The following LAMA2 variants were observed in gnomAD, a reference collection of about 807,000 sequenced individuals.
The protein encoded by LAMA2 is laminin subunit alpha 2, also known as laminin subunit alpha-2.
Under a neutral mutation model 364.8 loss-of-function variants are expected in LAMA2, and 269 were observed. The observed-to-expected ratio is 0.74, with a 90% CI of 0.67 to 0.82. The LOEUF (loss-of-function observed/expected upper bound fraction) is 0.82, where lower values mean the gene tolerates loss of function less well. Among genes scored for constraint, LAMA2 ranks in the 40% least tolerant of loss-of-function variants. The pLI is 0.00. For missense variants in LAMA2, 3,807 were observed against 3,873.2 expected, an observed-to-expected ratio of 0.98 and a Z score of 0.45; for synonymous variants, 1,379 against 1,370.6, an observed-to-expected ratio of 1.01 and a Z score of -0.14.
chr6:129,479,200 G>A (rs2784896), intron 54 of LAMA2, among the ~76,000 whole-genome samples: 1 of 151,898 alleles, frequency 6.6e-6, no homozygotes, highest in Admixed American at 6.6e-5. Flanking sequence ...TGGAACCATT[G>A]AAGTTTACAC....
Position 129,453,939 on chromosome 6 carries a change from T to A in LAMA2, c.6574-216T>A, listed in dbSNP as rs12530139. On this transcript the variant is annotated intron_variant, in intron 46 of 64. Transcript: ENST00000421865. The stretch of plus-strand genomic sequence containing the variant: ...AAAATTAACAAACATGCCTGAGCAT[T>A]ATGGACTTTTTTTTTTTTTGCTTTA... Among the ~76,000 whole-genome samples the A allele has an allele frequency of 0.16, 21,279 of 133,314 alleles. 1,608 individuals carry two copies. Among genetic ancestry groups the A allele is most frequent in the East Asian group, 0.23 (1,086 of 4,716 alleles). 87.5% of individuals were successfully genotyped at this position (133,314 alleles called of 152,430 possible).
chr6:129,475,791 G>T (rs1183734841), intron 53 of LAMA2, among the ~76,000 whole-genome samples: 1 of 152,032 alleles, frequency 6.6e-6, no homozygotes, highest in Non-Finnish European at 1.5e-5. Flanking sequence ...CCGGGCCCTG[G>T]CCTCCCTAGT....
At chr6:129,441,091 T>A (rs1440395808) in intron 43 of LAMA2, 93 bp downstream of exon 43, 1 of 1,105,346 alleles carries the variant, frequency 9.0e-7, no homozygotes, top group African/African-American at 1.6e-5. Flanking sequence ...GGAAAGACCC[T>A]CATGGTGGTG....
At chr6:129,453,700 ACAAATCATT>A (rs1227624665) in intron 46 of LAMA2, among the ~76,000 whole-genome samples, 2 of 152,180 alleles carry the variant, frequency 1.3e-5, no homozygotes, top group African/African-American at 4.8e-5. Flanking sequence ...TGACTTCTTA[ACAAATCATT>A]CATGGCATAA....
rs1784760691 is a variant in LAMA2, at chr6:129,489,594, A to G, written c.7899-2307A>G. ...TTTTTCTTCTGGGAAAGCTTTCTTC[A>G]CACAGGTACAGAAATAGGCTAAAGG... On this transcript the variant is annotated intron_variant, in intron 56 of 64. Transcript: ENST00000421865. Among the ~76,000 whole-genome samples the G allele has an allele frequency of 3.9e-5, 6 of 152,310 alleles. No individual in the cohort carries two copies. In the South Asian group the frequency reaches 1.2e-3, roughly 32 times the overall value.
At chr6:128,907,899 G>T (rs562568077) in intron 1 of LAMA2, among the ~76,000 whole-genome samples, 59 of 152,226 alleles carry the variant, frequency 3.9e-4, no homozygotes, top group African/African-American at 1.4e-3. Context: ...TAATCATGTG[G>T]TTTTTGTCTT....
chr6:129,264,746 A>T (rs1224004405), intron 15 of LAMA2, among the ~76,000 whole-genome samples: 8 of 152,160 alleles, frequency 5.3e-5, no homozygotes, highest in Admixed American at 4.6e-4. Flanking sequence ...GGAGTCAGCT[A>T]GGCCCAAGGC....
intron 12 of LAMA2, among the ~76,000 whole-genome samples, chr6:129,224,334 C>T (rs1223512856): frequency 1.3e-5 from 2 of 152,052 alleles, no homozygotes; most frequent in East Asian, 1.9e-4. Context: ...AAATACCCTT[C>T]ATTACTTTCT....
chr6:129,305,637 C>G (rs1002423513), intron 22 of LAMA2, among the ~76,000 whole-genome samples: 5 of 151,598 alleles, frequency 3.3e-5, no homozygotes, highest in Non-Finnish European at 7.4e-5. Flanking sequence ...GAGAGAGAGA[C>G]AGAGAGAGAG....
At chr6:129,149,697 T>C (rs76071557) in intron 7 of LAMA2, among the ~76,000 whole-genome samples, 5,652 of 152,218 alleles carry the variant, frequency 0.037, 216 homozygotes, top group East Asian at 0.15. Context: ...CGGCCTTCCA[T>C]ATCCATGGTT....
chr6:128,907,963 C>T (rs940937952), intron 1 of LAMA2, among the ~76,000 whole-genome samples: 4 of 152,130 alleles, frequency 2.6e-5, no homozygotes, highest in African/African-American at 4.8e-5. Context: ...ATTGAACCAG[C>T]CTTGCATCCC....
In LAMA2 at chr6:129,098,191, G is replaced by T. The variant is rs372414339; in HGVS notation, c.415G>T (p.Val139Leu). The T allele has an allele frequency of 1.9e-6, 3 of 1,614,090 alleles. No individual in the cohort carries two copies. The South Asian group carries it at 3.3e-5, about 18-fold the overall frequency. Residue 139 changes from valine to leucine, a missense_variant, in exon 4 of 65, where the codon GTG becomes TTG. By Grantham distance (32) the Val-to-Leu change is conservative. Coordinates refer to ENST00000421865, the MANE Select transcript of LAMA2 (RefSeq NM_000426.4). Reference sequence around the variant, plus strand: ...TCCCTAGGTGTTCCAGATCGCGTATGTGATTGTGAAGGCAGCTAACTCCCC... The same window carrying T: ...TCCCTAGGTGTTCCAGATCGCGTATTTGATTGTGAAGGCAGCTAACTCCCC... ...DLQQVFQIAY[V>L]IVKAANSPRP...
At chr6:129,123,413 C>A (rs1424998655) in intron 4 of LAMA2, among the ~76,000 whole-genome samples, 1 of 151,460 alleles carries the variant, frequency 6.6e-6, no homozygotes, top group East Asian at 1.9e-4. Context: ...ATCAGGATCT[C>A]AAAGAGATAT....
intron 8 of LAMA2, chr6:129,158,019 A>G (rs1779227047): frequency 1.9e-6 from 3 of 1,613,276 alleles, no homozygotes; most frequent in Non-Finnish European, 2.5e-6. Context: ...CTTGATGAGG[A>G]TGTTTTTGCT....
intron 12 of LAMA2, among the ~76,000 whole-genome samples, chr6:129,208,401 A>G (rs1230765021): frequency 6.6e-6 from 1 of 152,076 alleles, no homozygotes; most frequent in Non-Finnish European, 1.5e-5. Context: ...AACTGGGCTT[A>G]ATTTGAGGTC....
At chr6:129,384,060 T>C (rs1383562912) in intron 35 of LAMA2, among the ~76,000 whole-genome samples, 4 of 152,196 alleles carry the variant, frequency 2.6e-5, no homozygotes, top group Non-Finnish European at 5.9e-5. Context: ...TGACTGATAA[T>C]TCTTAGGCAT....
chr6:128,900,298 T>C (rs1777008312), intron 1 of LAMA2, among the ~76,000 whole-genome samples: 2 of 152,144 alleles, frequency 1.3e-5, no homozygotes, highest in Non-Finnish European at 2.9e-5. Context: ...GGATTTTTAT[T>C]ATATGAGTGA....
chr6:129,350,544 C>T (rs187097231), intron 31 of LAMA2, among the ~76,000 whole-genome samples: 1 of 152,290 alleles, frequency 6.6e-6, no homozygotes, highest in Non-Finnish European at 1.5e-5. Flanking sequence ...GTTTTGAGAT[C>T]TTATTTTATG....
chr6:129,218,811 T>C (rs1487386731), intron 12 of LAMA2, among the ~76,000 whole-genome samples: 2 of 152,188 alleles, frequency 1.3e-5, no homozygotes, highest in Non-Finnish European at 2.9e-5. Flanking sequence ...TGTAATGTTT[T>C]CATTTGCAGA....
Sources: allele counts gnomAD v4.1 joint callset (sites outside exome capture counted in the v4.1 genomes callset), GRCh38; gene constraint gnomAD v4.1.1; transcripts MANE v1.5; gene names NCBI Gene and HGNC (gene_info 2026-07-23, HGNC 2026-07-21).